GGA2: variants seen among roughly 807,000 people sequenced by gnomAD.
GGA2 encodes golgi associated, gamma adaptin ear containing, ARF binding protein 2.
In GGA2, 48 loss-of-function variants were observed where a neutral mutation model predicts 79.5. The observed-to-expected ratio is 0.60, with a 90% CI of 0.48 to 0.77. The LOEUF (loss-of-function observed/expected upper bound fraction) is 0.77. Among genes scored for constraint, GGA2 ranks in the 30% least tolerant of loss-of-function variants. The pLI is 0.00. For synonymous variants in GGA2, 317 were observed against 302.0 expected (o/e 1.05, Z -0.51); for missense variants, 770 against 774.0 (o/e 0.99, Z 0.06).
chr16:23,507,989 C>T (rs556150964), intron 1 of GGA2, among the ~76,000 whole-genome samples: 4 of 151,684 alleles, frequency 2.6e-5, no homozygotes, highest in Admixed American at 2.6e-4. Context: ...GAACTGTGTC[C>T]TTGGGCAGCC....
At chr16:23,495,852 C>A in intron 1 of GGA2, 74 bp from the exon 2 acceptor site, 1 of 886,836 alleles carries the variant, frequency 1.1e-6, no homozygotes, top group East Asian at 2.5e-5. Context: ...CACATGGTGG[C>A]CAAGAGCTGT....
chr16:23,494,325 T>A lies in GGA2; in HGVS notation c.230A>T (p.Lys77Met), dbSNP rs755795228. Residue 77 changes from lysine to methionine, a missense_variant, in exon 3 of 17, where the codon AAG (lysine) becomes ATG (methionine). Transcript: ENST00000309859. Reference protein sequence around the residue: ...LAHKIQSPQEKEALYALTVLE... With the variant: ...LAHKIQSPQEMEALYALTVLE... ...CACCGTTAAGGCATAAAGAGCTTCC[T>A]TCTCTTGCGGAGACTGGATCTTGTG... is the stretch of plus-strand genomic sequence containing the variant. 1 of 1,612,128 alleles carries A rather than the reference T, an allele frequency of 6.2e-7. No homozygotes were observed. The highest frequency in any genetic ancestry group is 1.3e-5 in the African/African-American group (1 of 74,888).
At position 23,474,970 on chromosome 16, in the gene GGA2, G is replaced by A. The variant is rs764534799; in HGVS notation, c.1384C>T (p.Pro462Ser). The A allele has an allele frequency of 9.9e-6, 16 of 1,612,284 alleles. No homozygotes were observed. The highest frequency in any genetic ancestry group is 1.3e-5 in the Non-Finnish European group (15 of 1,178,424). Residue 462 changes from proline (P) to serine (S), a missense_variant, in exon 14 of 17, where the codon CCT becomes TCT. Transcript: ENST00000309859. ...GGTGTATTCTGTGAAGATGGGGAAGGAGCCAACGGGCCAGCCTCCCAGGAC... is the reference window on the plus strand; with the variant it reads ...GGTGTATTCTGTGAAGATGGGGAAGAAGCCAACGGGCCAGCCTCCCAGGAC... ...GWSWEAGPLA[P>S]SPSSQNTPLA...
intron 1 of GGA2, among the ~76,000 whole-genome samples, chr16:23,499,792 G>C (rs1964899862): frequency 6.6e-6 from 1 of 152,212 alleles, no homozygotes; most frequent in African/African-American, 2.4e-5. Context: ...CTCTTCATTT[G>C]TTGAAACCAT....
chr16:23,473,356 T>TTTTTC (rs1555498980), intron 14 of GGA2, among the ~76,000 whole-genome samples: 1 of 140,402 alleles, frequency 7.1e-6, no homozygotes, highest in Admixed American at 7.3e-5. Flanking sequence ...TTTTTTTTTT[T>TTTTTC]AGACAGAGTC....
chr16:23,472,647 G>T lies in GGA2; in HGVS notation c.1450+2257C>A, dbSNP rs574560020. The stretch of plus-strand genomic sequence containing the variant: ...GGCTTGAGCCTGGAGGATGGAGGTT[G>T]TAGTAAGCTGAGATGGCGCCACTGC... On this transcript the variant is annotated intron_variant, in intron 14 of 16. Coordinates refer to ENST00000309859, the MANE Select transcript of GGA2 (RefSeq NM_015044.4). Among the ~76,000 whole-genome samples the T allele has an allele frequency of 3.9e-4, 59 of 151,728 alleles. 2 individuals carry two copies. In the South Asian group the frequency reaches 0.012, roughly 30 times the overall value.
At chr16:23,520,253 CAAA>C (rs3071381) in intron 1 of GGA2, among the ~76,000 whole-genome samples, 4 of 114,438 alleles carry the variant, frequency 3.5e-5, no homozygotes, top group African/African-American at 6.7e-5. Context: ...AACTACGTCT[CAAA>C]AAAAAAAAAA....
At chr16:23,473,364 G>A (rs1012657742) in intron 14 of GGA2, among the ~76,000 whole-genome samples, 4 of 83,172 alleles carry the variant, frequency 4.8e-5, no homozygotes, top group African/African-American at 1.6e-4. Context: ...TTTAGACAGA[G>A]TCTTCTCTGT....
chr16:23,503,901 G>A (rs1964946393), intron 1 of GGA2, among the ~76,000 whole-genome samples: 1 of 152,138 alleles, frequency 6.6e-6, no homozygotes, highest in Admixed American at 6.6e-5. Context: ...GACCAACATG[G>A]AGAAACCCCG....
intron 1 of GGA2, chr16:23,501,265 C>G: frequency 2.2e-6 from 1 of 454,498 alleles, no homozygotes; most frequent in Non-Finnish European, 4.4e-6. Context: ...ATGGTAGCAT[C>G]GCTCTGTGTC....
At chr16:23,467,830 A>C (rs1289587215) in intron 16 of GGA2, 130 bp from the exon 17 acceptor site, 4 of 651,352 alleles carry the variant, frequency 6.1e-6, no homozygotes, top group Admixed American at 2.3e-5. Flanking sequence ...TTGGGACTAC[A>C]AACAAGGGGA....
intron 8 of GGA2, among the ~76,000 whole-genome samples, chr16:23,484,618 A>G (rs1964689895): frequency 6.6e-6 from 1 of 152,240 alleles, no homozygotes; most frequent in African/African-American, 2.4e-5. Context: ...ACAAGCTGCC[A>G]ATGAGCATAG....
chr16:23,478,444 C>G lies in GGA2; in HGVS notation c.1216G>C (p.Gly406Arg). The G allele has an allele frequency of 6.2e-7, 1 of 1,612,036 alleles. No homozygotes were observed. The highest frequency in any genetic ancestry group is 8.5e-7 in the Non-Finnish European group (1 of 1,178,552). Residue 406 changes from glycine to arginine, a missense_variant, in exon 13 of 17, where the codon GGC becomes CGC. Physicochemically the swap from Gly to Arg is moderately radical, Grantham distance 125. Transcript: ENST00000309859. ...KRNPSSSTLP[G>R]GGVQNPSADR... ...GCAGAAGGGTTCTGAACACCACCGC[C>G]TGGCAGCGTGCTGGAGGAGGGATTC...
Position 23,479,901 on chromosome 16 carries a change from G to T in GGA2, c.1007-14C>A. ...GATTCTGAAAGACTAGAAAGCCCAGGGTTAGGAAGAGAAGTCAGTTGGACA... is the reference window on the plus strand; with the variant it reads ...GATTCTGAAAGACTAGAAAGCCCAGTGTTAGGAAGAGAAGTCAGTTGGACA... On this transcript the variant is annotated splice_polypyrimidine_tract_variant and intron_variant, in intron 10 of 16. Coordinates refer to ENST00000309859, the MANE Select transcript of GGA2 (RefSeq NM_015044.4). 1 of 1,613,492 alleles carries T rather than the reference G, an allele frequency of 6.2e-7. No homozygotes were observed. The highest frequency in any genetic ancestry group is 8.5e-7 in the Non-Finnish European group (1 of 1,179,686).
upstream of GGA2, chr16:23,522,240 C>A (rs1965151231): frequency 5.5e-6 from 1 of 182,494 alleles, no homozygotes; most frequent in African/African-American, 2.3e-5. Context: ...CATATAATCC[C>A]TGTGAAACTA....
At chr16:23,495,456 C>A in intron 2 of GGA2, 1 of 330,136 alleles carries the variant, frequency 3.0e-6, no homozygotes, top group East Asian at 4.6e-5. Flanking sequence ...TGAATGCCAG[C>A]CTGACTGCAT....
Position 23,486,058 on chromosome 16 carries a change from T to A in GGA2, c.755A>T (p.Tyr252Phe). 1 of 1,614,142 alleles carries A rather than the reference T, an allele frequency of 6.2e-7. No individual in the cohort carries two copies. The highest frequency in any genetic ancestry group is 8.5e-7 in the Non-Finnish European group (1 of 1,179,964). Residue 252 changes from tyrosine to phenylalanine, a missense_variant, in exon 8 of 17, where the codon TAC becomes TTC. Coordinates refer to ENST00000309859, the MANE Select transcript of GGA2 (RefSeq NM_015044.4). Reference protein sequence around the residue: ...VKVLQEMLSMYRRPGQAPPDQ... With the variant: ...VKVLQEMLSMFRRPGQAPPDQ... Reference sequence around the variant, plus strand: ...GGGCGGGGCCTGCCCTGGCCTGCGGTACATGCTCAGCATCTCCTGCAGCAC... The same window carrying A: ...GGGCGGGGCCTGCCCTGGCCTGCGGAACATGCTCAGCATCTCCTGCAGCAC...
chr16:23,483,950 C>T (rs1964681032), intron 8 of GGA2, among the ~76,000 whole-genome samples: 1 of 147,042 alleles, frequency 6.8e-6, no homozygotes, highest in African/African-American at 2.5e-5. Context: ...CCCGGCTGGG[C>T]TGTGGTTTCT....
At chr16:23,470,194 TAAC>T in intron 14 of GGA2, 29 bp from the exon 15 acceptor site, 4 of 1,543,340 alleles carry the variant, frequency 2.6e-6, no homozygotes, top group Non-Finnish European at 3.5e-6. Flanking sequence ...GCAGAAGGTT[TAAC>T]ACCACTACAA....
Sources: allele counts gnomAD v4.1 joint callset (sites outside exome capture counted in the v4.1 genomes callset), GRCh38; gene constraint gnomAD v4.1.1; transcripts MANE v1.5; gene names NCBI Gene and HGNC (gene_info 2026-07-23, HGNC 2026-07-21).